Variants in TTC28 observed in about 807,000 individuals in gnomAD.
TTC28 encodes tetratricopeptide repeat protein 28.
In TTC28, 61 loss-of-function variants were observed where a neutral mutation model predicts 198.0. The observed-to-expected ratio is 0.31, with a 90% CI of 0.25 to 0.38. TTC28 has a LOEUF of 0.38. TTC28 is among the 10% of genes least tolerant of loss of function. The probability of loss-of-function intolerance (pLI) is 1.00; values close to 1 mark genes in which losing one functional copy is unlikely to be tolerated. For missense variants in TTC28, 2,678 were observed against 3,164.0 expected, an observed-to-expected ratio of 0.85 and a Z score of 3.69; for synonymous variants, 1,171 against 1,297.8, an observed-to-expected ratio of 0.90 and a Z score of 2.10.
At chr22:27,992,043 G>A (rs980308178) in intron 19 of TTC28, among the ~76,000 whole-genome samples, 9 of 152,298 alleles carry the variant, frequency 5.9e-5, no homozygotes, top group African/African-American at 1.9e-4. Flanking sequence ...GCTTGGGGAG[G>A]GTGGCTGTAA....
At chr22:28,436,037 G>A (rs1346638208) in intron 2 of TTC28, among the ~76,000 whole-genome samples, 1 of 152,112 alleles carries the variant, frequency 6.6e-6, no homozygotes, top group Non-Finnish European at 1.5e-5. Context: ...TTTAGTACAT[G>A]CACAATATTA....
chr22:28,635,679 CT>C (rs1469449718), intron 1 of TTC28, among the ~76,000 whole-genome samples: 1 of 152,110 alleles, frequency 6.6e-6, no homozygotes, highest in Non-Finnish European at 1.5e-5. Context: ...GAGGTATAAA[CT>C]GACCAATAAA....
chr22:28,056,065 G>C (rs1193355905), intron 12 of TTC28: 1 of 152,080 alleles, frequency 6.6e-6, no homozygotes, highest in East Asian at 1.9e-4. Context: ...ATTTTACAGT[G>C]AAAAGTGAAA....
intron 12 of TTC28, among the ~76,000 whole-genome samples, chr22:28,038,757 T>C (rs1335413065): frequency 6.6e-6 from 1 of 152,164 alleles, no homozygotes; most frequent in Non-Finnish European, 1.5e-5. Flanking sequence ...AGAAAATTTT[T>C]GCAATCTACT....
Position 28,018,220 on chromosome 22 carries a change from C to G in TTC28, c.4074-3828G>C, listed in dbSNP as rs541170520. ...TCAGGCAGGCGGTCCTTTGAGAATA[C>G]TCCTCTGATCTGTGCTGCTATTCAG... On this transcript the variant is annotated intron_variant, in intron 13 of 22. Transcript: ENST00000397906. Among the ~76,000 whole-genome samples the G allele has an allele frequency of 4.3e-5, 6 of 139,998 alleles. No individual in the cohort carries two copies. The South Asian group carries it at 1.2e-3, about 27-fold the overall frequency. The allele number at this position is 139,998 out of a possible 152,430, so 91.8% of individuals were successfully genotyped here.
chr22:28,531,838 G>A (rs528439253), intron 2 of TTC28, among the ~76,000 whole-genome samples: 6 of 152,216 alleles, frequency 3.9e-5, no homozygotes, highest in South Asian at 2.1e-4. Context: ...GAAGGCAGAA[G>A]TAAAGATGTT....
At chr22:28,326,689 C>G (rs2045535376) in intron 2 of TTC28, among the ~76,000 whole-genome samples, 1 of 152,116 alleles carries the variant, frequency 6.6e-6, no homozygotes, top group Admixed American at 6.5e-5. Context: ...TTTATGACAG[C>G]AAGGTCAAGG....
intron 2 of TTC28, among the ~76,000 whole-genome samples, chr22:28,544,184 C>T (rs2049486710): frequency 6.6e-6 from 1 of 152,198 alleles, no homozygotes. Context: ...CACCACTGCA[C>T]TCCAGCCTGG....
intron 1 of TTC28, among the ~76,000 whole-genome samples, chr22:28,651,089 C>G (rs2051556667): frequency 6.6e-6 from 1 of 152,226 alleles, no homozygotes; most frequent in African/African-American, 2.4e-5. Context: ...AAAGCATCAT[C>G]TAGCCCTTTA....
At chr22:28,543,444 AGAG>A (rs911730434) in intron 2 of TTC28, among the ~76,000 whole-genome samples, 32 of 150,876 alleles carry the variant, frequency 2.1e-4, no homozygotes, top group African/African-American at 5.4e-4. Flanking sequence ...AAGAGGAGGA[AGAG>A]GAGGAGGAGG....
intron 2 of TTC28, among the ~76,000 whole-genome samples, chr22:28,516,946 C>T (rs1245061587): frequency 6.6e-6 from 1 of 152,110 alleles, no homozygotes; most frequent in African/African-American, 2.4e-5. Flanking sequence ...ATAAATGATA[C>T]TCACTACAAC....
chr22:28,676,816 G>A (rs1008551204), intron 1 of TTC28, among the ~76,000 whole-genome samples: 1 of 151,700 alleles, frequency 6.6e-6, no homozygotes. Context: ...GTCAAGACTG[G>A]GAGTTCAAGA....
chr22:28,152,007 C>T (rs991926469), intron 6 of TTC28, among the ~76,000 whole-genome samples: 5 of 152,026 alleles, frequency 3.3e-5, no homozygotes, highest in African/African-American at 7.2e-5. Flanking sequence ...AGAGGGGGCC[C>T]GCAGGCTGTA....
At chr22:28,508,152 C>T (rs2048638116) in intron 2 of TTC28, among the ~76,000 whole-genome samples, 1 of 151,782 alleles carries the variant, frequency 6.6e-6, no homozygotes, top group Non-Finnish European at 1.5e-5. Flanking sequence ...ATGCTGTCTT[C>T]ACATCTCACA....
chr22:28,044,648 C>T (rs540043797), intron 12 of TTC28, among the ~76,000 whole-genome samples: 140 of 152,304 alleles, frequency 9.2e-4, no homozygotes, highest in African/African-American at 3.2e-3. Context: ...GTTCCCCTTC[C>T]TGTGTCCATG....
In TTC28 at chr22:28,297,856, A is replaced by T; in HGVS notation, c.530-4T>A. 2 of 1,550,578 alleles carry T rather than the reference A, an allele frequency of 1.3e-6. No individual in the cohort carries two copies. Among genetic ancestry groups the T allele is most frequent in the South Asian group, 2.4e-5 (2 of 84,022 alleles). ...TGATAAGTGGGCTCGAGGGAGTCTG[A>T]AAATAAACAACAATAACAGCAACAT... On this transcript the variant is annotated splice_polypyrimidine_tract_variant and splice_region_variant and intron_variant, in intron 3 of 22. Coordinates refer to ENST00000397906, the MANE Select transcript of TTC28 (RefSeq NM_001145418.2).
chr22:28,272,059 T>C (rs1932120320), intron 5 of TTC28, among the ~76,000 whole-genome samples: 1 of 152,202 alleles, frequency 6.6e-6, no homozygotes, highest in African/African-American at 2.4e-5. Context: ...TCTTTATAAA[T>C]TACCCACTCT....
intron 5 of TTC28, among the ~76,000 whole-genome samples, chr22:28,261,128 G>T (rs554050981): frequency 6.6e-6 from 1 of 152,156 alleles, no homozygotes; most frequent in Admixed American, 6.5e-5. Context: ...AGGCTCTCTT[G>T]ATTCCTCCCA....
intron 1 of TTC28, among the ~76,000 whole-genome samples, chr22:28,630,808 G>A (rs1420567333): frequency 6.6e-6 from 1 of 152,138 alleles, no homozygotes; most frequent in Non-Finnish European, 1.5e-5. Context: ...TTACATACAT[G>A]TATATTTGTA....
Sources: gnomAD v4.1 joint callset for allele counts (sites outside exome capture counted in the v4.1 genomes callset) on GRCh38, gnomAD v4.1.1 for gene constraint, MANE v1.5 for transcripts, NCBI Gene and HGNC (gene_info 2026-07-23, HGNC 2026-07-21) for gene names.